The following HIVEP2 variants were observed in gnomAD, a reference collection of about 807,000 sequenced individuals.
HIVEP2 encodes the protein HIVEP zinc finger 2.
HIVEP2 carries 14 observed loss-of-function variants against 180.7 expected under a neutral mutation model. That is an observed-to-expected ratio of 0.08 (90% CI 0.05 to 0.12). The LOEUF is 0.12. Among genes scored for constraint, HIVEP2 ranks in the 10% least tolerant of loss-of-function variants. The probability of loss-of-function intolerance (pLI) is 1.00; values close to 1 mark genes in which losing one functional copy is unlikely to be tolerated. For missense variants in HIVEP2, 2,579 were observed against 3,008.5 expected (o/e 0.86, Z 3.34); for synonymous variants, 1,184 against 1,136.4 (o/e 1.04, Z -0.84).
At chr6:142,801,040 T>C (rs774469082) in intron 2 of HIVEP2, among the ~76,000 whole-genome samples, 23 of 151,796 alleles carry the variant, frequency 1.5e-4, no homozygotes, top group African/African-American at 2.2e-4. Flanking sequence ...GGGAACATAA[T>C]GGACTGAGCC....
At chr6:142,873,673 C>G (rs189912535) in intron 1 of HIVEP2, among the ~76,000 whole-genome samples, 2 of 152,036 alleles carry the variant, frequency 1.3e-5, no homozygotes, top group African/African-American at 4.8e-5. Context: ...GATCATATAG[C>G]GCTAGGTTCA....
At chr6:142,865,742 G>T (rs78358057) in intron 1 of HIVEP2, among the ~76,000 whole-genome samples, 1 of 152,168 alleles carries the variant, frequency 6.6e-6, no homozygotes, top group Admixed American at 6.5e-5. Flanking sequence ...GCAGGCAGAC[G>T]ATTTCTAGAA....
At chr6:142,908,150 T>A (rs974216020) in intron 1 of HIVEP2, among the ~76,000 whole-genome samples, 8 of 152,170 alleles carry the variant, frequency 5.3e-5, no homozygotes, top group Non-Finnish European at 1.0e-4. Flanking sequence ...ATATTTCCCA[T>A]CTCCTGACTT....
At position 142,799,916 on chromosome 6, in the gene HIVEP2, G is replaced by C. The variant is rs193166025; in HGVS notation, c.-527-16301C>G. ...TTCCTTGCTCATTTGTGCATGAAAA[G>C]CCATATATCACTTAATGCCAATGAC... is the stretch of plus-strand genomic sequence containing the variant. On this transcript the variant is annotated intron_variant, in intron 2 of 9. Coordinates refer to ENST00000367603, the MANE Select transcript of HIVEP2 (RefSeq NM_006734.4). 9.7e-4 allele frequency among the ~76,000 whole-genome samples: 147 copies of C among 152,268 alleles called. 2 individuals are homozygous for C. The highest frequency in any genetic ancestry group is 1.5e-4 in the Non-Finnish European group (10 of 67,994).
chr6:142,859,850 A>AAC (rs1426559644), intron 1 of HIVEP2, among the ~76,000 whole-genome samples: 1 of 151,088 alleles, frequency 6.6e-6, no homozygotes, highest in East Asian at 1.9e-4. Context: ...AAAAAAAAAA[A>AAC]AAAAGGAAAG....
intron 1 of HIVEP2, among the ~76,000 whole-genome samples, chr6:142,841,502 A>G (rs1487586461): frequency 6.6e-6 from 1 of 152,102 alleles, no homozygotes; most frequent in Non-Finnish European, 1.5e-5. Flanking sequence ...AATCCATGGT[A>G]GAGCTAGAAA....
chr6:142,933,814 C>T (rs1390641072), intron 1 of HIVEP2, among the ~76,000 whole-genome samples: 3 of 152,138 alleles, frequency 2.0e-5, no homozygotes, highest in Non-Finnish European at 4.4e-5. Flanking sequence ...CCACTTGACC[C>T]ATTTTAAAAT....
chr6:142,917,480 A>T (rs982967945), intron 1 of HIVEP2, among the ~76,000 whole-genome samples: 1 of 152,238 alleles, frequency 6.6e-6, no homozygotes, highest in Non-Finnish European at 1.5e-5. Context: ...TGTGGATTCC[A>T]AATAACAAAT....
chr6:142,903,481 C>G (rs1183148127), intron 1 of HIVEP2, among the ~76,000 whole-genome samples: 2 of 152,112 alleles, frequency 1.3e-5, no homozygotes, highest in Non-Finnish European at 2.9e-5. Context: ...ACTTGGAGTA[C>G]AATCATTTTG....
At chr6:142,826,745 G>T (rs1438767778) in intron 2 of HIVEP2, among the ~76,000 whole-genome samples, 1 of 152,150 alleles carries the variant, frequency 6.6e-6, no homozygotes, top group Non-Finnish European at 1.5e-5. Flanking sequence ...GAATAGCTTT[G>T]TGGGGTAGAA....
At chr6:142,815,275 A>C (rs1776804552) in intron 2 of HIVEP2, among the ~76,000 whole-genome samples, 1 of 152,196 alleles carries the variant, frequency 6.6e-6, no homozygotes, top group Non-Finnish European at 1.5e-5. Context: ...ACCGCACTGC[A>C]ACATTTAATA....
rs185445715 is a variant in HIVEP2, at chr6:142,888,007, T to C, written c.-640-50960A>G. Reference sequence around the variant, plus strand: ...TTCAAATTAATCTTTCTAGAAACAATATTTAAATTCATTCCCCTATGTCAC... The same window carrying C: ...TTCAAATTAATCTTTCTAGAAACAACATTTAAATTCATTCCCCTATGTCAC... On this transcript the variant is annotated intron_variant, in intron 1 of 9. Coordinates refer to ENST00000367603, the MANE Select transcript of HIVEP2 (RefSeq NM_006734.4). Among the ~76,000 whole-genome samples, 418 of 149,618 alleles carry C rather than the reference T, an allele frequency of 2.8e-3. 1 individual carries two copies. The highest frequency in any genetic ancestry group is 0.017 in the Middle Eastern group (5 of 288).
At chr6:142,932,915 A>G (rs1284624709) in intron 1 of HIVEP2, among the ~76,000 whole-genome samples, 2 of 152,246 alleles carry the variant, frequency 1.3e-5, no homozygotes, top group Non-Finnish European at 2.9e-5. Context: ...CCAGTTGACA[A>G]ACCAAAACTG....
At chr6:142,825,706 T>A (rs75059280) in intron 2 of HIVEP2, among the ~76,000 whole-genome samples, 3,226 of 152,250 alleles carry the variant, frequency 0.021, 137 homozygotes, top group African/African-American at 0.074. Flanking sequence ...CTAAGGCATC[T>A]CAGAGAGTGT....
intron 1 of HIVEP2, among the ~76,000 whole-genome samples, chr6:142,855,582 G>A (rs1436812501): frequency 6.6e-6 from 1 of 152,148 alleles, no homozygotes; most frequent in Non-Finnish European, 1.5e-5. Flanking sequence ...ATAACCACGT[G>A]GTAGAAACCA....
At chr6:142,844,185 A>G (rs1054953547) in intron 1 of HIVEP2, among the ~76,000 whole-genome samples, 1 of 152,146 alleles carries the variant, frequency 6.6e-6, no homozygotes, top group African/African-American at 2.4e-5. Context: ...ATCTTAAAAG[A>G]GTTTTTCCTA....
At chr6:142,918,504 G>C (rs1777614966) in intron 1 of HIVEP2, among the ~76,000 whole-genome samples, 1 of 152,204 alleles carries the variant, frequency 6.6e-6, no homozygotes, top group Non-Finnish European at 1.5e-5. Context: ...GACAGCATCT[G>C]GATGTTCTGC....
At chr6:142,852,081 G>C (rs565593218) in intron 1 of HIVEP2, among the ~76,000 whole-genome samples, 80 of 152,280 alleles carry the variant, frequency 5.3e-4, no homozygotes, top group African/African-American at 1.9e-3. Context: ...AAATTGATGG[G>C]TTTGGGAGAC....
At chr6:142,908,368 T>A (rs1302239896) in intron 1 of HIVEP2, among the ~76,000 whole-genome samples, 1 of 152,218 alleles carries the variant, frequency 6.6e-6, no homozygotes, top group Admixed American at 6.5e-5. Context: ...ATGCAATTGG[T>A]CTTTTTCTCT....
Sources: allele counts gnomAD v4.1 joint callset (sites outside exome capture counted in the v4.1 genomes callset), GRCh38; gene constraint gnomAD v4.1.1; transcripts MANE v1.5; gene names NCBI Gene and HGNC (gene_info 2026-07-23, HGNC 2026-07-21).